The following STARD3NL variants were observed in gnomAD, a reference collection of about 807,000 sequenced individuals.
STARD3NL encodes the protein STARD3 N-terminal like, also known as STARD3 N-terminal-like protein.
Under a neutral mutation model 30.9 loss-of-function variants are expected in STARD3NL, and 17 were observed. The ratio of observed to expected loss-of-function variants is 0.55; its 90% CI spans 0.38 to 0.82. The LOEUF is 0.82. STARD3NL is among the 40% of genes least tolerant of loss of function. STARD3NL has a pLI of 0.00. For missense variants in STARD3NL, 234 were observed against 277.6 expected (o/e 0.84, Z 1.12); for synonymous variants, 112 against 100.5 (o/e 1.11, Z -0.69).
intron 2 of STARD3NL, among the ~76,000 whole-genome samples, chr7:38,213,493 T>TACAC (rs1785928973): frequency 6.6e-6 from 1 of 152,208 alleles, no homozygotes; most frequent in Non-Finnish European, 1.5e-5. Context: ...GCAAAGGTGT[T>TACAC]CCTTAATGTT....
chr7:38,226,981 C>G (rs1180361431), intron 7 of STARD3NL, among the ~76,000 whole-genome samples: 1 of 152,214 alleles, frequency 6.6e-6, no homozygotes, highest in Non-Finnish European at 1.5e-5. Context: ...GTGTTTCAAA[C>G]ATAAACATTT....
rs79831725 is a variant in STARD3NL, at chr7:38,179,323, A to T, written c.-59+903A>T. On this transcript the variant is annotated intron_variant, in intron 1 of 8. Coordinates refer to ENST00000009041, the MANE Select transcript of STARD3NL (RefSeq NM_032016.4). Reference sequence around the variant, plus strand: ...TATGGTATCCTTGTTTTATTGATGGATTCTGATAAGGTGGTGGATTATTCA... The same window carrying T: ...TATGGTATCCTTGTTTTATTGATGGTTTCTGATAAGGTGGTGGATTATTCA... Among the ~76,000 whole-genome samples, 770 of 152,316 alleles carry T rather than the reference A, an allele frequency of 5.1e-3. 9 individuals carry two copies. Among genetic ancestry groups the T allele is most frequent in the African/African-American group, 0.018 (734 of 41,570 alleles).
chr7:38,211,422 T>C (rs914204648), intron 2 of STARD3NL, among the ~76,000 whole-genome samples: 1 of 152,074 alleles, frequency 6.6e-6, no homozygotes, highest in Non-Finnish European at 1.5e-5. Context: ...ATGGAAGTAC[T>C]GAGGCAGGAG....
chr7:38,198,810 G>A (rs1209362313), intron 1 of STARD3NL, among the ~76,000 whole-genome samples: 1 of 152,192 alleles, frequency 6.6e-6, no homozygotes, highest in Non-Finnish European at 1.5e-5. Context: ...CACCATCTGG[G>A]TAGTGTCACT....
At chr7:38,222,327 C>G (rs1786518161) in intron 7 of STARD3NL, among the ~76,000 whole-genome samples, 1 of 152,116 alleles carries the variant, frequency 6.6e-6, no homozygotes, top group African/African-American at 2.4e-5. Flanking sequence ...GCATACAACA[C>G]AGAAACATAG....
chr7:38,219,739 G>A (rs1786342571), intron 7 of STARD3NL, 79 bp downstream of exon 7: 2 of 1,203,374 alleles, frequency 1.7e-6, no homozygotes, highest in East Asian at 4.8e-5. Flanking sequence ...TACCCCCTCT[G>A]TTTCTCAATA....
intron 1 of STARD3NL, among the ~76,000 whole-genome samples, chr7:38,197,664 G>A (rs1784987538): frequency 6.6e-6 from 1 of 152,154 alleles, no homozygotes; most frequent in African/African-American, 2.4e-5. Flanking sequence ...GGTCTTGTTA[G>A]CATGCCATAA....
chr7:38,207,717 A>T lies in STARD3NL; in HGVS notation c.213A>T (p.Ile71=). 1.2e-6 allele frequency: 2 copies of T among 1,613,866 alleles called. No homozygotes were observed. Among genetic ancestry groups the T allele is most frequent in the Non-Finnish European group, 8.5e-7 (1 of 1,179,840 alleles). The change falls in exon 2 of 9, where the codon ATA becomes ATT. Residue 71 remains isoleucine, a synonymous_variant. Coordinates refer to ENST00000009041, the MANE Select transcript of STARD3NL (RefSeq NM_032016.4). The part of the protein sequence containing the change: ...FDLLFVTLLW[I]IELNVNGGIE... ...TCTTATTCGTAACATTACTGTGGAT[A>T]ATAGAGTTAAATGTAAGTTGGTGGT...
chr7:38,197,136 T>TTTTC (rs56319128), intron 1 of STARD3NL, among the ~76,000 whole-genome samples: 15,835 of 111,854 alleles, frequency 0.14, 1,227 homozygotes, highest in South Asian at 0.18. Flanking sequence ...GCATTACCTT[T>TTTTC]TTTCTTTCTT....
At chr7:38,206,525 T>C (rs1785496852) in intron 1 of STARD3NL, among the ~76,000 whole-genome samples, 1 of 152,216 alleles carries the variant, frequency 6.6e-6, no homozygotes, top group Non-Finnish European at 1.5e-5. Context: ...TTTTAATTTT[T>C]ATTATAAAAG....
At chr7:38,190,227 T>C (rs142660465) in intron 1 of STARD3NL, among the ~76,000 whole-genome samples, 6 of 152,186 alleles carry the variant, frequency 3.9e-5, no homozygotes, top group Admixed American at 2.0e-4. Flanking sequence ...TGGAGTGAGA[T>C]AGTGGGAGAT....
chr7:38,214,044 T>C (rs2116321751), intron 2 of STARD3NL, among the ~76,000 whole-genome samples: 1 of 152,294 alleles, frequency 6.6e-6, no homozygotes, highest in Admixed American at 6.5e-5. Context: ...AAATATACTT[T>C]TGTATGATGG....
intron 1 of STARD3NL, among the ~76,000 whole-genome samples, chr7:38,178,676 G>A (rs1784120352): frequency 6.6e-6 from 1 of 152,216 alleles, no homozygotes; most frequent in South Asian, 2.1e-4. Context: ...TTCAGGGATG[G>A]ATATAGGTAG....
At chr7:38,192,280 G>A (rs767008235) in intron 1 of STARD3NL, among the ~76,000 whole-genome samples, 9 of 142,234 alleles carry the variant, frequency 6.3e-5, no homozygotes, top group Non-Finnish European at 1.1e-4. Flanking sequence ...TGTTAACAAA[G>A]TTTTGTTGTT....
intron 1 of STARD3NL, among the ~76,000 whole-genome samples, chr7:38,183,075 A>G (rs1353864222): frequency 6.6e-6 from 1 of 152,226 alleles, no homozygotes; most frequent in Non-Finnish European, 1.5e-5. Flanking sequence ...TATTAAATTA[A>G]TGATGTAGAA....
At position 38,210,091 on chromosome 7, in the gene STARD3NL, C is replaced by A. The variant is rs374441338; in HGVS notation, c.225+2362C>A. Among the ~76,000 whole-genome samples the A allele has an allele frequency of 2.6e-5, 4 of 152,208 alleles. No homozygotes were observed. The East Asian group carries it at 5.8e-4, about 22-fold the overall frequency. On this transcript the variant is annotated intron_variant, in intron 2 of 8. Transcript: ENST00000009041. ...CTTGACCTGGTGTTTTCACTACACG[C>A]AGTACCATTCATTTTGCTTTGTTGT...
chr7:38,202,550 T>G (rs1171381273), intron 1 of STARD3NL, among the ~76,000 whole-genome samples: 5 of 152,176 alleles, frequency 3.3e-5, no homozygotes, highest in African/African-American at 7.2e-5. Context: ...TATATTTCTT[T>G]TTTTTTAACA....
At chr7:38,217,430 T>G in intron 6 of STARD3NL, 125 bp downstream of exon 6, 1 of 812,946 alleles carries the variant, frequency 1.2e-6, no homozygotes, top group South Asian at 1.7e-5. Context: ...GGGTCTTCAT[T>G]CTTTAGTGGC....
chr7:38,208,048 C>T (rs762397224), intron 2 of STARD3NL, among the ~76,000 whole-genome samples: 1 of 152,094 alleles, frequency 6.6e-6, no homozygotes, highest in Non-Finnish European at 1.5e-5. Flanking sequence ...TTTATTGGAA[C>T]GTGGCCAGGC....
Sources: gnomAD v4.1 joint callset for allele counts (sites outside exome capture counted in the v4.1 genomes callset) on GRCh38, gnomAD v4.1.1 for gene constraint, MANE v1.5 for transcripts, NCBI Gene and HGNC (gene_info 2026-07-23, HGNC 2026-07-21) for gene names.